The following ASPA variants were observed in gnomAD, a reference collection of about 807,000 sequenced individuals.
The protein encoded by ASPA is ACY-2.
ASPA carries 25 observed loss-of-function variants against 29.6 expected under a neutral mutation model. The observed-to-expected ratio is 0.85, with a 90% CI of 0.62 to 1.18. ASPA has a LOEUF of 1.18. Among genes scored for constraint, ASPA ranks in the 50% most tolerant of loss-of-function variants. The pLI is 0.00. For missense variants in ASPA, 333 were observed against 385.7 expected, an observed-to-expected ratio of 0.86 and a Z score of 1.14; for synonymous variants, 131 against 130.3, an observed-to-expected ratio of 1.01 and a Z score of -0.04.
chr17:3,494,678 C>T (rs187041927), intron 5 of ASPA, among the ~76,000 whole-genome samples: 4 of 152,228 alleles, frequency 2.6e-5, no homozygotes, highest in Admixed American at 1.3e-4. Context: ...ATGGCCTGCA[C>T]GCTCAATGGA....
At chr17:3,481,543 A>G (rs2073626512) in intron 1 of ASPA, 60 bp from the exon 2 acceptor site, 4 of 1,470,782 alleles carry the variant, frequency 2.7e-6, no homozygotes, top group Admixed American at 1.8e-5. Flanking sequence ...TGTTCTTATT[A>G]TATGTTTATA....
At position 3,501,952 on chromosome 17, in the gene ASPA, C is replaced by CA. The variant is rs35886989; in HGVS notation, c.*2886dup. On this transcript the variant is annotated 3_prime_UTR_variant, in exon 6 of 6. Coordinates refer to ENST00000263080, the MANE Select transcript of ASPA (RefSeq NM_000049.4). ...TGGTGGACACAGCAAGCCTCCATCT[C>CA]AAAAAAAAAAAAAAAAAAAAAATGA... 14 of 147,392 alleles carry CA rather than the reference C, an allele frequency of 9.5e-5. No homozygotes were observed. Among genetic ancestry groups the CA allele is most frequent in the Middle Eastern group, 3.5e-3 (1 of 288 alleles). 9.1% of individuals were successfully genotyped at this position (147,392 alleles called of 1,614,324 possible). A position where few individuals can be genotyped will look rare whatever the true frequency, so the allele number is the denominator to read the frequency against.
rs1168312884 is a variant in ASPA, at chr17:3,485,618, A to T, written c.526+2026A>T. Among the ~76,000 whole-genome samples the T allele has an allele frequency of 1.3e-5, 2 of 152,202 alleles. No individual in the cohort carries two copies. The highest frequency in any genetic ancestry group is 2.4e-5 in the African/African-American group (1 of 41,456). ...TTTGACTGGATCAGAAAGGCAAGGG[A>T]TCTGTTTCTCCAAAGTGCTTGTGCT... On this transcript the variant is annotated intron_variant, in intron 3 of 5. Transcript: ENST00000263080. The surrounding 1 kb of genome is among the most constrained non-coding windows in gnomAD (Gnocchi z 4.4).
intron 5 of ASPA, among the ~76,000 whole-genome samples, chr17:3,497,805 A>T (rs1333942525): frequency 2.0e-5 from 3 of 152,180 alleles, no homozygotes; most frequent in Non-Finnish European, 2.9e-5. Flanking sequence ...GGTGATGCGG[A>T]TGCTGCTGGG....
chr17:3,489,908 C>T (rs556767932), intron 4 of ASPA, among the ~76,000 whole-genome samples: 14 of 152,248 alleles, frequency 9.2e-5, no homozygotes, highest in African/African-American at 2.9e-4. Flanking sequence ...AGATTGTTAT[C>T]GTGCATCATT....
intron 5 of ASPA, among the ~76,000 whole-genome samples, chr17:3,498,400 G>A (rs145318123): frequency 0.013 from 1,980 of 152,134 alleles, 44 homozygotes; most frequent in African/African-American, 0.044. Context: ...AGGCTGGAGT[G>A]CAGTGGTGTG....
Position 3,476,142 on chromosome 17 carries a change from TA to T in ASPA, c.-13del. On this transcript the variant is annotated 5_prime_UTR_variant, in exon 1 of 6. Transcript: ENST00000263080. ...TCTCTTCTGAATTGCAGAAATCAGA[TA>T]AAAACTACTTGGTGAAATGACTTCT... The T allele has an allele frequency of 6.2e-7, 1 of 1,606,854 alleles. No individual in the cohort carries two copies. Among genetic ancestry groups the T allele is most frequent in the Non-Finnish European group, 8.5e-7 (1 of 1,173,988 alleles).
chr17:3,499,577 CT>C lies in ASPA; in HGVS notation c.*495del, dbSNP rs960642963. Reference sequence around the variant, plus strand: ...TGTCACCCTTTGATAATATTTCAAGCTTTTTTATGATTTATTTATTATATCT... The same window carrying C: ...TGTCACCCTTTGATAATATTTCAAGCTTTTTATGATTTATTTATTATATCT... On this transcript the variant is annotated 3_prime_UTR_variant, in exon 6 of 6. Transcript: ENST00000263080. The C allele has an allele frequency of 2.6e-5, 4 of 152,758 alleles. No homozygotes were observed. Among genetic ancestry groups the C allele is most frequent in the African/African-American group, 9.7e-5 (4 of 41,392 alleles). 9.5% of individuals were successfully genotyped at this position (152,758 alleles called of 1,614,324 possible).
At chr17:3,478,344 C>T (rs572577520) in intron 1 of ASPA, among the ~76,000 whole-genome samples, 1 of 152,236 alleles carries the variant, frequency 6.6e-6, no homozygotes, top group African/African-American at 2.4e-5. Context: ...AGAAACATGC[C>T]TCACTTTATG....
intron 3 of ASPA, among the ~76,000 whole-genome samples, chr17:3,487,073 CGT>C (rs59690349): frequency 6.6e-6 from 1 of 150,752 alleles, no homozygotes; most frequent in African/African-American, 2.4e-5. Flanking sequence ...TGTGTGTGTG[CGT>C]GTGTGTGTGT....
intron 4 of ASPA, among the ~76,000 whole-genome samples, chr17:3,489,999 A>G (rs1316611543): frequency 6.6e-6 from 1 of 152,236 alleles, no homozygotes; most frequent in African/African-American, 2.4e-5. Context: ...AAGAATCTTC[A>G]AAACACAATG....
rs2073802334 is a variant in ASPA at position 3,490,297 on chromosome 17, G to C, written c.634+955G>C. ...CTGGTGGACAAGGTGGGTATATGCA[G>C]CTCTATGCACTATCTGCTCATTTAT... is the stretch of plus-strand genomic sequence containing the variant. On this transcript the variant is annotated intron_variant, in intron 4 of 5. Transcript: ENST00000263080. The surrounding 1 kb of genome is among the most constrained non-coding windows in gnomAD (Gnocchi z 4.6). 6.6e-6 allele frequency among the ~76,000 whole-genome samples: 1 copy of C among 152,126 alleles called. No homozygotes were observed. Among genetic ancestry groups the C allele is most frequent in the African/African-American group, 2.4e-5 (1 of 41,430 alleles).
chr17:3,476,481 AGAT>A (rs1325381543), intron 1 of ASPA, 86 bp downstream of exon 1: 3 of 1,238,332 alleles, frequency 2.4e-6, no homozygotes, highest in African/African-American at 1.5e-5. Flanking sequence ...ATGTATATGC[AGAT>A]GATAATTCAT....
In ASPA at chr17:3,499,250, T is replaced by A. The variant is rs559875524; in HGVS notation, c.*162T>A. On this transcript the variant is annotated 3_prime_UTR_variant, in exon 6 of 6. Coordinates refer to ENST00000263080, the MANE Select transcript of ASPA (RefSeq NM_000049.4). Reference sequence around the variant, plus strand: ...CACATTTCTTAAATTAATTAATATATCTTTAAAGATATCATATTTTATGTA... The same window carrying A: ...CACATTTCTTAAATTAATTAATATAACTTTAAAGATATCATATTTTATGTA... The A allele has an allele frequency of 3.4e-6, 2 of 579,812 alleles. No individual in the cohort carries two copies. The highest frequency in any genetic ancestry group is 5.8e-6 in the Non-Finnish European group (2 of 343,236). 35.9% of individuals were successfully genotyped at this position (579,812 alleles called of 1,614,324 possible). A position where few individuals can be genotyped will look rare whatever the true frequency, so the allele number is the denominator to read the frequency against.
chr17:3,499,095 C>T lies in ASPA; in HGVS notation c.*7C>T. On this transcript the variant is annotated 3_prime_UTR_variant, in exon 6 of 6. Coordinates refer to ENST00000263080, the MANE Select transcript of ASPA (RefSeq NM_000049.4). ...TCGCTGCTGTTTACATTAGAAATCA[C>T]TTCCAGCTTACATCTTACACGGTGT... is the stretch of plus-strand genomic sequence containing the variant. 2 of 1,612,796 alleles carry T rather than the reference C, an allele frequency of 1.2e-6. No individual in the cohort carries two copies. The highest frequency in any genetic ancestry group is 1.7e-6 in the Non-Finnish European group (2 of 1,179,236).
chr17:3,489,713 G>T (rs941035309), intron 4 of ASPA, among the ~76,000 whole-genome samples: 3 of 152,174 alleles, frequency 2.0e-5, no homozygotes, highest in Non-Finnish European at 2.9e-5. Context: ...TCAAGCGTTG[G>T]TAAATGTGTA....
chr17:3,478,524 T>G (rs527337757), intron 1 of ASPA, among the ~76,000 whole-genome samples: 2 of 152,228 alleles, frequency 1.3e-5, no homozygotes, highest in Non-Finnish European at 2.9e-5. Flanking sequence ...CTAACTTCTA[T>G]ATTACAAGTA....
rs56083236 is a variant in ASPA at position 3,502,843 on chromosome 17, C to A, written c.*3755C>A. On this transcript the variant is annotated 3_prime_UTR_variant, in exon 6 of 6. Coordinates refer to ENST00000263080, the MANE Select transcript of ASPA (RefSeq NM_000049.4). ...GAAAGAATATGCCCACCCTTATTCG[C>A]AGGCAAGGTGTGAGGAGGTCTTTGG... 21,603 of 152,260 alleles carry A rather than the reference C, an allele frequency of 0.14. 1,685 individuals are homozygous for A. The highest frequency in any genetic ancestry group is 0.19 in the African/African-American group (8,074 of 41,510). The allele number at this position is 152,260 out of a possible 1,614,324, so 9.4% of individuals were successfully genotyped here.
intron 4 of ASPA, 98 bp downstream of exon 4, chr17:3,489,440 T>G: frequency 9.4e-7 from 1 of 1,062,364 alleles, no homozygotes; most frequent in East Asian, 2.4e-5. Flanking sequence ...AGATATGAAG[T>G]GCTTTTTAAA....
Sources: allele counts gnomAD v4.1 joint callset (sites outside exome capture counted in the v4.1 genomes callset), GRCh38; gene constraint gnomAD v4.1.1; non-coding constraint Gnocchi (gnomAD v3.1); transcripts MANE v1.5; gene names NCBI Gene and HGNC (gene_info 2026-07-23, HGNC 2026-07-21).